The following DIAPH2 variants were observed in gnomAD, a reference collection of about 807,000 sequenced individuals.
DIAPH2 encodes diaphanous related formin 2.
DIAPH2 carries 35 observed loss-of-function variants against 92.7 expected under a neutral mutation model. That is an observed-to-expected ratio of 0.38 (90% CI 0.29 to 0.50). The LOEUF is 0.50. DIAPH2 is among the 20% of genes least tolerant of loss of function. The pLI, the probability that DIAPH2 is intolerant of heterozygous loss-of-function variation, is 0.94. For synonymous variants in DIAPH2, 301 were observed against 280.4 expected (o/e 1.07, Z -0.73); for missense variants, 701 against 819.5 (o/e 0.86, Z 1.77).
intron 1 of DIAPH2, among the ~76,000 whole-genome samples, chrX:96,720,746 A>T (rs987271172): frequency 2.7e-5 from 3 of 111,586 alleles, no homozygotes; most frequent in African/African-American, 9.8e-5. Context: ...GATGGATTTT[A>T]CTTGTGATAA....
intron 26 of DIAPH2, among the ~76,000 whole-genome samples, chrX:97,565,252 T>C (rs1344698786): frequency 8.9e-6 from 1 of 111,984 alleles, no homozygotes; most frequent in Non-Finnish European, 1.9e-5. Context: ...TCTTGGAGGC[T>C]TACTCTTCTC....
In DIAPH2 at chrX:97,087,501, T is replaced by C. The variant is rs959187595; in HGVS notation, c.2248-12193T>C. On this transcript the variant is annotated intron_variant, in intron 19 of 26. Transcript: ENST00000324765. The stretch of plus-strand genomic sequence containing the variant: ...TTTATACTTAAAATACCACTCTCAG[T>C]GTAGTGGAAAAAAAATTCTTTTGGG... Among the ~76,000 whole-genome samples, 5 of 111,621 alleles carry C rather than the reference T, an allele frequency of 4.5e-5. No homozygotes were observed. The Admixed American group carries it at 4.8e-4, about 11-fold the overall frequency.
intron 26 of DIAPH2, among the ~76,000 whole-genome samples, chrX:97,489,369 C>T (rs2070709740): frequency 9.1e-6 from 1 of 110,476 alleles, no homozygotes; most frequent in Admixed American, 9.7e-5. Context: ...GATCACGTGT[C>T]GGCAAACAGA....
rs914979197 is a variant in DIAPH2 at position 96,685,097 on chromosome X, C to T, written c.39C>T (p.Gly13=). The T allele has an allele frequency of 2.0e-6, 2 of 1,012,401 alleles. No individual in the cohort carries two copies. The highest frequency in any genetic ancestry group is 5.0e-5 in the Admixed American group (1 of 20,023). 83.4% of individuals were successfully genotyped at this position (1,012,401 alleles called of 1,213,427 possible). A position where few individuals can be genotyped will look rare whatever the true frequency, so the allele number is the denominator to read the frequency against. ...QPGAAASGAG[G]GSEEPGGGRS... ...GGGCGGCGGCGTCGGGAGCGGGAGG[C>T]GGCAGCGAGGAACCCGGTGGGGGCC... Residue 13 remains glycine (G), a synonymous_variant, in exon 1 of 27, where the codon GGC becomes GGT. Coordinates refer to ENST00000324765, the MANE Select transcript of DIAPH2 (RefSeq NM_006729.5).
intron 26 of DIAPH2, among the ~76,000 whole-genome samples, chrX:97,438,912 A>G (rs1313251059): frequency 8.9e-6 from 1 of 111,919 alleles, no homozygotes; most frequent in African/African-American, 3.2e-5. Context: ...ATTCAGTTGC[A>G]TTTGTTGAGC....
intron 4 of DIAPH2, among the ~76,000 whole-genome samples, chrX:96,849,275 C>A (rs1425103390): frequency 1.8e-5 from 2 of 111,605 alleles, no homozygotes; most frequent in African/African-American, 6.5e-5. Flanking sequence ...AGGCAATTCT[C>A]CTGTCTCAGC....
At chrX:97,275,521 C>T (rs375667417) in intron 23 of DIAPH2, among the ~76,000 whole-genome samples, 71 of 98,857 alleles carry the variant, frequency 7.2e-4, no homozygotes, top group East Asian at 6.4e-3. Flanking sequence ...ACTTCTCAGA[C>T]GGGGCGGCTG....
At chrX:96,951,208 A>G (rs1251436432) in intron 15 of DIAPH2, among the ~76,000 whole-genome samples, 1 of 111,522 alleles carries the variant, frequency 9.0e-6, no homozygotes, top group Admixed American at 9.6e-5. Context: ...TAGTTGAGAA[A>G]TGTTGGCATA....
At chrX:97,387,768 A>T (rs2069616347) in intron 25 of DIAPH2, among the ~76,000 whole-genome samples, 4 of 112,234 alleles carry the variant, frequency 3.6e-5, no homozygotes, top group Middle Eastern at 4.6e-3. Context: ...CAGAATTGAC[A>T]GGTGCTGATG....
chrX:97,059,075 A>G (rs1219099125), intron 17 of DIAPH2, among the ~76,000 whole-genome samples: 2 of 111,593 alleles, frequency 1.8e-5, no homozygotes, highest in African/African-American at 6.5e-5. Context: ...AACTGAAAAT[A>G]TTTTACAGTC....
chrX:97,080,118 T>A (rs1315282217), intron 19 of DIAPH2, among the ~76,000 whole-genome samples: 1 of 109,838 alleles, frequency 9.1e-6, no homozygotes, highest in East Asian at 2.9e-4. Flanking sequence ...TTGTTTTTTG[T>A]TTGTTTGTTT....
rs191001447 is a variant in DIAPH2 at position 96,844,290 on chromosome X, A to G, written c.448-37289A>G. On this transcript the variant is annotated intron_variant, in intron 4 of 26. Transcript: ENST00000324765. The stretch of plus-strand genomic sequence containing the variant: ...AAATCCACATTCATAATTCTTCACT[A>G]TACATGCTAAATGAAAACATATTTT... Among the ~76,000 whole-genome samples, 247 of 112,780 alleles carry G rather than the reference A, an allele frequency of 2.2e-3. 1 individual carries two copies. Among genetic ancestry groups the G allele is most frequent in the Admixed American group, 5.4e-3 (57 of 10,640 alleles).
At chrX:96,951,140 C>A (rs1476433824) in intron 15 of DIAPH2, among the ~76,000 whole-genome samples, 1 of 110,945 alleles carries the variant, frequency 9.0e-6, no homozygotes, top group African/African-American at 3.3e-5. Flanking sequence ...TTGACCACAG[C>A]ACCCTTTATC....
chrX:96,835,501 A>G (rs763402563), intron 4 of DIAPH2, among the ~76,000 whole-genome samples: 140 of 111,856 alleles, frequency 1.3e-3, no homozygotes, highest in African/African-American at 4.4e-3. Context: ...AAGAGGAGTC[A>G]GGGGCATTTT....
intron 17 of DIAPH2, among the ~76,000 whole-genome samples, chrX:97,069,890 G>T (rs916958071): frequency 3.6e-5 from 4 of 111,601 alleles, no homozygotes; most frequent in Non-Finnish European, 7.5e-5. Context: ...ATTGGGGAAA[G>T]AATATAACCA....
At chrX:97,442,726 G>T (rs544080296) in intron 26 of DIAPH2, 2 of 112,155 alleles carry the variant, frequency 1.8e-5, no homozygotes, top group African/African-American at 6.5e-5. Context: ...TAAACCTTTA[G>T]ATACACCTCT....
intron 26 of DIAPH2, among the ~76,000 whole-genome samples, chrX:97,542,915 A>G (rs528461511): frequency 1.8e-5 from 2 of 112,445 alleles, no homozygotes; most frequent in Non-Finnish European, 3.7e-5. Context: ...TGAAAAGTGC[A>G]AAGAACCAAC....
intron 24 of DIAPH2, among the ~76,000 whole-genome samples, chrX:97,362,789 T>C (rs190445909): frequency 2.1e-3 from 240 of 112,461 alleles, no homozygotes; most frequent in Non-Finnish European, 3.7e-3. Flanking sequence ...AGTTAGAACG[T>C]TAAGTGCTAT....
intron 17 of DIAPH2, among the ~76,000 whole-genome samples, chrX:97,011,914 A>G (rs1212777342): frequency 9.3e-6 from 1 of 107,373 alleles, no homozygotes; most frequent in East Asian, 2.9e-4. Flanking sequence ...AAAAAAAAAA[A>G]AAAAAGAGGG....
Sources: gnomAD v4.1 joint callset for allele counts (sites outside exome capture counted in the v4.1 genomes callset) on GRCh38, gnomAD v4.1.1 for gene constraint, MANE v1.5 for transcripts, NCBI Gene and HGNC (gene_info 2026-07-23, HGNC 2026-07-21) for gene names.